SORCS3: variants seen among roughly 807,000 people sequenced by gnomAD.
SORCS3 encodes the protein sortilin related VPS10 domain containing receptor 3.
In SORCS3, 57 loss-of-function variants were observed where a neutral mutation model predicts 146.3. The ratio of observed to expected loss-of-function variants is 0.39; its 90% CI spans 0.31 to 0.49. The LOEUF is 0.49. Among genes scored for constraint, SORCS3 ranks in the 20% least tolerant of loss-of-function variants. The pLI, the probability that SORCS3 is intolerant of heterozygous loss-of-function variation, is 0.92. For synonymous variants in SORCS3, 653 were observed against 618.5 expected (o/e 1.06, Z -0.83); for missense variants, 1,341 against 1,575.5 (o/e 0.85, Z 2.52).
intron 3 of SORCS3, among the ~76,000 whole-genome samples, chr10:104,974,163 G>A (rs1240885632): frequency 6.6e-6 from 1 of 152,154 alleles, no homozygotes. Flanking sequence ...TGAAAAGAAT[G>A]TATATTTTTT....
In SORCS3 at chr10:104,867,235, T is replaced by A. The variant is rs373500043; in HGVS notation, c.695+24376T>A. Among the ~76,000 whole-genome samples, 1,226 of 151,674 alleles carry A rather than the reference T, an allele frequency of 8.1e-3. 16 individuals are homozygous for A. Among genetic ancestry groups the A allele is most frequent in the African/African-American group, 0.027 (1,103 of 41,402 alleles). On this transcript the variant is annotated intron_variant, in intron 2 of 26. Transcript: ENST00000369701. The stretch of plus-strand genomic sequence containing the variant: ...AGAGGAGAGGAGGGGGTGCTTTTTT[T>A]AAAGTGGTCAGGGGAGAACTCACTG...
intron 5 of SORCS3, among the ~76,000 whole-genome samples, chr10:105,069,289 C>G (rs901475903): frequency 6.6e-6 from 1 of 152,202 alleles, no homozygotes; most frequent in African/African-American, 2.4e-5. Flanking sequence ...CCAGGAAATC[C>G]ACTTATCTTG....
At chr10:105,248,769 G>A (rs2056882381) in intron 22 of SORCS3, among the ~76,000 whole-genome samples, 1 of 151,674 alleles carries the variant, frequency 6.6e-6, no homozygotes, top group Non-Finnish European at 1.5e-5. Context: ...AGAGTTTGGT[G>A]TAGCCAGTCT....
intron 7 of SORCS3, among the ~76,000 whole-genome samples, chr10:105,120,415 C>A (rs772734214): frequency 2.0e-5 from 3 of 152,084 alleles, no homozygotes; most frequent in Non-Finnish European, 4.4e-5. Context: ...CCATCCCATC[C>A]CCTTTTACAG....
chr10:105,105,037 T>G (rs114099495), intron 6 of SORCS3, among the ~76,000 whole-genome samples: 228 of 152,288 alleles, frequency 1.5e-3, no homozygotes, highest in African/African-American at 5.2e-3. Context: ...ATCTAGAGAA[T>G]TAGAATTCTC....
At chr10:104,891,098 C>T (rs1453062754) in intron 2 of SORCS3, among the ~76,000 whole-genome samples, 1 of 152,144 alleles carries the variant, frequency 6.6e-6, no homozygotes, top group Admixed American at 6.5e-5. Flanking sequence ...TGAATTCTTA[C>T]ACGTGTTTTG....
intron 8 of SORCS3, among the ~76,000 whole-genome samples, chr10:105,146,443 A>T (rs2056131785): frequency 6.6e-6 from 1 of 152,066 alleles, no homozygotes; most frequent in Non-Finnish European, 1.5e-5. Flanking sequence ...GGAAGTTAAC[A>T]TCAGTATGTA....
At chr10:104,642,016 G>A in intron 1 of SORCS3, 62 bp downstream of exon 1, 1 of 1,085,822 alleles carries the variant, frequency 9.2e-7, no homozygotes, top group Non-Finnish European at 1.3e-6. Context: ...ATGGGGGGGT[G>A]GGTGGGAGCG....
At chr10:104,708,225 G>A (rs1400575996) in intron 1 of SORCS3, among the ~76,000 whole-genome samples, 2 of 152,150 alleles carry the variant, frequency 1.3e-5, no homozygotes, top group Non-Finnish European at 2.9e-5. Context: ...ATTTGCAGCT[G>A]AGTAAATATA....
At chr10:105,176,175 T>A (rs1389556606) in intron 13 of SORCS3, among the ~76,000 whole-genome samples, 2 of 152,134 alleles carry the variant, frequency 1.3e-5, no homozygotes, top group Non-Finnish European at 2.9e-5. Flanking sequence ...GTATATAGTA[T>A]CAACTATATG....
intron 4 of SORCS3, among the ~76,000 whole-genome samples, chr10:105,004,905 T>C (rs2055085490): frequency 6.6e-6 from 1 of 152,158 alleles, no homozygotes; most frequent in East Asian, 1.9e-4. Context: ...AGCTCCTCTC[T>C]AAACAGGCCA....
intron 1 of SORCS3, among the ~76,000 whole-genome samples, chr10:104,786,456 G>C (rs1344019931): frequency 2.0e-5 from 3 of 151,746 alleles, no homozygotes; most frequent in Admixed American, 2.0e-4. Context: ...GCTGAGGCAG[G>C]AGAATCGCTT....
chr10:105,208,961 A>T lies in SORCS3; in HGVS notation c.2262-2176A>T, dbSNP rs574583978. On this transcript the variant is annotated intron_variant, in intron 16 of 26. Transcript: ENST00000369701. Reference sequence around the variant, plus strand: ...TCCAGCTTCATTTAAACATGCCAATATAAGACTGATCTCAAGTTCCACCTT... The same window carrying T: ...TCCAGCTTCATTTAAACATGCCAATTTAAGACTGATCTCAAGTTCCACCTT... 2.6e-5 allele frequency among the ~76,000 whole-genome samples: 4 copies of T among 152,230 alleles called. No individual in the cohort carries two copies. In the South Asian group the frequency reaches 8.3e-4, roughly 32 times the overall value.
intron 1 of SORCS3, among the ~76,000 whole-genome samples, chr10:104,774,634 G>A (rs556560041): frequency 2.0e-5 from 3 of 152,262 alleles, no homozygotes; most frequent in Admixed American, 6.5e-5. Flanking sequence ...GTTCCTCTTC[G>A]AGCCTTGTTT....
chr10:105,245,701 C>T lies in SORCS3; in HGVS notation c.2992+36C>T, dbSNP rs115222804. Reference sequence around the variant, plus strand: ...AAAATTGTTCTGTGATGCTCCTTCCCGCTCAGTTAATCTCCTGTGTCCACT... The same window carrying T: ...AAAATTGTTCTGTGATGCTCCTTCCTGCTCAGTTAATCTCCTGTGTCCACT... On this transcript the variant is annotated intron_variant, in intron 21 of 26. Transcript: ENST00000369701. 4.7e-4 allele frequency: 762 copies of T among 1,606,524 alleles called. 2 individuals carry two copies. The African/African-American group carries it at 8.8e-3, about 19-fold the overall frequency.
At chr10:104,821,950 A>G (rs2017877482) in intron 1 of SORCS3, 5 of 372,624 alleles carry the variant, frequency 1.3e-5, no homozygotes, top group Admixed American at 7.4e-5. Flanking sequence ...ATTGGAATAA[A>G]ATAACCTTGA....
chr10:104,669,871 C>T (rs1694631878), intron 1 of SORCS3, among the ~76,000 whole-genome samples: 1 of 151,416 alleles, frequency 6.6e-6, no homozygotes, highest in Admixed American at 6.6e-5. Context: ...TCCAATTTCT[C>T]CACGTCCTCA....
chr10:105,211,962 T>G lies in SORCS3; in HGVS notation c.2375+712T>G, dbSNP rs190614094. Among the ~76,000 whole-genome samples the G allele has an allele frequency of 1.6e-4, 25 of 152,188 alleles. No individual in the cohort carries two copies. The Middle Eastern group carries it at 0.02, about 124-fold the overall frequency. On this transcript the variant is annotated intron_variant, in intron 17 of 26. Transcript: ENST00000369701. ...TGGGAGATCTGGGGTGGTGGGGAAA[T>G]TTTTCCTTTCTGTGAGCTCCGATGT... is the stretch of plus-strand genomic sequence containing the variant.
At chr10:105,089,672 G>A (rs2055687975) in intron 5 of SORCS3, 103 bp from the exon 6 acceptor site, 2 of 878,660 alleles carry the variant, frequency 2.3e-6, no homozygotes, top group East Asian at 5.2e-5. Flanking sequence ...GGTCCTCTTT[G>A]AGAAAATGGA....
Sources: allele counts gnomAD v4.1 joint callset (sites outside exome capture counted in the v4.1 genomes callset), GRCh38; gene constraint gnomAD v4.1.1; transcripts MANE v1.5; gene names NCBI Gene and HGNC (gene_info 2026-07-23, HGNC 2026-07-21).